IQSEC1: variants seen among roughly 807,000 people sequenced by gnomAD.
The protein encoded by IQSEC1 is IQ motif and Sec7 domain ArfGEF 1.
Under a neutral mutation model 91.0 loss-of-function variants are expected in IQSEC1, and 31 were observed. The ratio of observed to expected loss-of-function variants is 0.34; its 90% CI spans 0.26 to 0.46. The LOEUF is 0.46. Among genes scored for constraint, IQSEC1 ranks in the 20% least tolerant of loss-of-function variants. The probability of loss-of-function intolerance (pLI) is 1.00; values close to 1 mark genes in which losing one functional copy is unlikely to be tolerated. For missense variants in IQSEC1, 1,388 were observed against 1,575.6 expected (o/e 0.88, Z 2.02); for synonymous variants, 699 against 662.6 (o/e 1.05, Z -0.84).
Position 12,972,014 on chromosome 3 carries a change from A to AAAACAAACAAAC in IQSEC1, c.24-30161_24-30150dup, listed in dbSNP as rs56174337. ...TGGCAACAGGGTGAGACTCCATCTCAAAACAAACAAACAAACAAACAAACA... is the reference window on the plus strand; with the variant it reads ...TGGCAACAGGGTGAGACTCCATCTCAAAACAAACAAACAAACAAACAAACAAACAAACAAACA... On this transcript the variant is annotated intron_variant, in intron 1 of 13. Coordinates refer to ENST00000613206, the MANE Select transcript of IQSEC1 (RefSeq NM_001134382.3). 7.3e-4 allele frequency among the ~76,000 whole-genome samples: 108 copies of AAAACAAACAAAC among 148,606 alleles called. 1 individual carries two copies. Among genetic ancestry groups the AAAACAAACAAAC allele is most frequent in the Middle Eastern group, 3.4e-3 (1 of 290 alleles).
intron 1 of IQSEC1, among the ~76,000 whole-genome samples, chr3:13,281,365 C>T (rs1474356053): frequency 6.6e-6 from 1 of 152,134 alleles, no homozygotes; most frequent in Non-Finnish European, 1.5e-5. Context: ...TCTGCTTCCT[C>T]CCAGTGACAC....
intron 1 of IQSEC1, among the ~76,000 whole-genome samples, chr3:13,027,872 G>A (rs944157758): frequency 1.3e-5 from 2 of 152,196 alleles, no homozygotes; most frequent in African/African-American, 2.4e-5. Flanking sequence ...TTACGTAACA[G>A]CTCTTGATTT....
chr3:12,970,385 G>A lies in IQSEC1; in HGVS notation c.24-28520C>T, dbSNP rs759769039. Among the ~76,000 whole-genome samples the A allele has an allele frequency of 1.3e-5, 2 of 152,152 alleles. No homozygotes were observed. The highest frequency in any genetic ancestry group is 4.8e-5 in the African/African-American group (2 of 41,426). The stretch of plus-strand genomic sequence containing the variant: ...GTTTAGTTCCACTGTATCACCCCAT[G>A]TTTTAGTCCTGAGCTGCTTGCCTTG... On this transcript the variant is annotated intron_variant, in intron 1 of 13. Coordinates refer to ENST00000613206, the MANE Select transcript of IQSEC1 (RefSeq NM_001134382.3). This position sits in a 1 kb window ranked among gnomAD's most constrained non-coding sequence, Gnocchi z 4.4.
intron 1 of IQSEC1, among the ~76,000 whole-genome samples, chr3:13,235,670 G>T (rs79533809): frequency 0.015 from 2,309 of 152,282 alleles, 33 homozygotes; most frequent in Non-Finnish European, 0.023. Context: ...CCCGGGCGGA[G>T]GAAGAACAAG....
At position 12,943,317 on chromosome 3, in the gene IQSEC1, G is replaced by A. The variant is rs3755722; in HGVS notation, c.24-1452C>T. ...TGCCCCTGGTGGGGCCATGCGGGGCGGGCTGACGAGCTCATCCCGACTCGG... is the reference window on the plus strand; with the variant it reads ...TGCCCCTGGTGGGGCCATGCGGGGCAGGCTGACGAGCTCATCCCGACTCGG... On this transcript the variant is annotated intron_variant, in intron 1 of 13. Transcript: ENST00000613206. Among the ~76,000 whole-genome samples the A allele has an allele frequency of 7.2e-5, 11 of 152,340 alleles. No individual in the cohort carries two copies. The South Asian group carries it at 1.2e-3, about 17-fold the overall frequency.
intron 1 of IQSEC1, among the ~76,000 whole-genome samples, chr3:13,216,772 C>T (rs1361139899): frequency 6.6e-6 from 1 of 152,212 alleles, no homozygotes; most frequent in Non-Finnish European, 1.5e-5. Flanking sequence ...CACCCGGATG[C>T]ACTCTCTTCC....
intron 1 of IQSEC1, among the ~76,000 whole-genome samples, chr3:13,236,902 C>A (rs547180696): frequency 1.3e-4 from 20 of 152,342 alleles, no homozygotes; most frequent in African/African-American, 4.1e-4. Flanking sequence ...ACAAAATGCC[C>A]CCCTCCAGCC....
chr3:13,090,372 G>A (rs1052518570), intron 2 of IQSEC1, among the ~76,000 whole-genome samples: 7 of 152,176 alleles, frequency 4.6e-5, no homozygotes, highest in South Asian at 2.1e-4. Context: ...GAATACCACC[G>A]GTATTTAATA....
intron 1 of IQSEC1, among the ~76,000 whole-genome samples, chr3:13,045,401 A>G (rs1279748506): frequency 2.0e-5 from 3 of 152,162 alleles, no homozygotes; most frequent in African/African-American, 7.2e-5. Context: ...TGAGTGCCCG[A>G]CACCCGCAGG....
At chr3:13,264,473 A>C (rs1027013341) in intron 1 of IQSEC1, among the ~76,000 whole-genome samples, 3 of 152,142 alleles carry the variant, frequency 2.0e-5, no homozygotes, top group Admixed American at 2.0e-4. Flanking sequence ...TCTGTCTCCA[A>C]GTCAAACCGC....
chr3:13,040,064 G>A (rs1358089307), intron 1 of IQSEC1, among the ~76,000 whole-genome samples: 1 of 152,222 alleles, frequency 6.6e-6, no homozygotes, highest in African/African-American at 2.4e-5. Flanking sequence ...CACTCACTGA[G>A]CTTCCCTGCC....
chr3:13,281,215 G>T (rs1695783385), intron 1 of IQSEC1, among the ~76,000 whole-genome samples: 1 of 152,144 alleles, frequency 6.6e-6, no homozygotes, highest in Non-Finnish European at 1.5e-5. Flanking sequence ...TTTTGGTCCT[G>T]GTGTGGGAGA....
At chr3:13,034,757 C>A (rs1703972879) in intron 1 of IQSEC1, among the ~76,000 whole-genome samples, 1 of 152,236 alleles carries the variant, frequency 6.6e-6, no homozygotes, top group Non-Finnish European at 1.5e-5. Flanking sequence ...CCAGTTTGGT[C>A]AACCTGACCC....
At chr3:13,091,014 C>T (rs1705850807) in intron 2 of IQSEC1, among the ~76,000 whole-genome samples, 1 of 152,208 alleles carries the variant, frequency 6.6e-6, no homozygotes, top group African/African-American at 2.4e-5. Flanking sequence ...TTTGGCTGGC[C>T]TGGCCTCCTC....
At position 12,922,869 on chromosome 3, in the gene IQSEC1, A is replaced by T. The variant is rs1222851567; in HGVS notation, c.1731-627T>A. ...CACCCTTCCAGTCCCTCCTATGGTG[A>T]CCCCTGAACAGAGAAGATGGAGTCT... On this transcript the variant is annotated intron_variant, in intron 4 of 13. Transcript: ENST00000613206. The surrounding 1 kb of genome is among the most constrained non-coding windows in gnomAD (Gnocchi z 5.1). 1.3e-5 allele frequency among the ~76,000 whole-genome samples: 2 copies of T among 151,988 alleles called. No homozygotes were observed. The highest frequency in any genetic ancestry group is 6.5e-5 in the Admixed American group (1 of 15,274).
intron 1 of IQSEC1, among the ~76,000 whole-genome samples, chr3:13,269,708 G>A (rs905198145): frequency 1.3e-5 from 2 of 152,238 alleles, no homozygotes; most frequent in Non-Finnish European, 2.9e-5. Context: ...AGAGGGGAGC[G>A]AGGCCCACCT....
intron 2 of IQSEC1, among the ~76,000 whole-genome samples, chr3:13,109,486 C>T (rs535387342): frequency 2.0e-5 from 3 of 152,262 alleles, no homozygotes; most frequent in South Asian, 2.1e-4. Context: ...TGATATTTGT[C>T]CCCACCCAAA....
At chr3:13,243,537 C>T (rs775731282) in intron 1 of IQSEC1, among the ~76,000 whole-genome samples, 5 of 152,198 alleles carry the variant, frequency 3.3e-5, no homozygotes, top group South Asian at 2.1e-4. Flanking sequence ...GCTGGCCTGG[C>T]GCCCACCCCA....
intron 1 of IQSEC1, among the ~76,000 whole-genome samples, chr3:13,281,617 T>G (rs1451240694): frequency 6.6e-6 from 1 of 151,822 alleles, no homozygotes; most frequent in Non-Finnish European, 1.5e-5. Context: ...GCAGCCCCCC[T>G]GGGGTGGGAA....
Sources: gnomAD v4.1 joint callset for allele counts (sites outside exome capture counted in the v4.1 genomes callset) on GRCh38, gnomAD v4.1.1 for gene constraint, Gnocchi (gnomAD v3.1) non-coding constraint, MANE v1.5 for transcripts, NCBI Gene and HGNC (gene_info 2026-07-23, HGNC 2026-07-21) for gene names.